Variants in EPHA6 observed in about 807,000 individuals in gnomAD.
The protein encoded by EPHA6 is EPH receptor A6.
In EPHA6, 50 loss-of-function variants were observed where a neutral mutation model predicts 112.0. That is an observed-to-expected ratio of 0.45 (90% CI 0.36 to 0.56). The LOEUF (loss-of-function observed/expected upper bound fraction) is 0.56, where lower values mean the gene tolerates loss of function less well. Ranked by LOEUF, EPHA6 falls within the 20% of genes least tolerant of loss-of-function variation. EPHA6 has a pLI of 0.00. For synonymous variants in EPHA6, 529 were observed against 490.7 expected, an observed-to-expected ratio of 1.08 and a Z score of -1.03; for missense variants, 1,280 against 1,417.4, an observed-to-expected ratio of 0.90 and a Z score of 1.56.
chr3:97,659,658 G>A lies in EPHA6; in HGVS notation c.2784+21576G>A, dbSNP rs372801112. Among the ~76,000 whole-genome samples the A allele has an allele frequency of 2.2e-4, 34 of 152,056 alleles. No individual in the cohort carries two copies. The South Asian group carries it at 2.7e-3, about 12-fold the overall frequency. ...AAAGGTTAAACCTGAAGAGAATATTGAAATATAACGTAACACAGTAATTTT... is the reference window on the plus strand; with the variant it reads ...AAAGGTTAAACCTGAAGAGAATATTAAAATATAACGTAACACAGTAATTTT... On this transcript the variant is annotated intron_variant, in intron 14 of 17. Coordinates refer to ENST00000389672, the MANE Select transcript of EPHA6 (RefSeq NM_001080448.3).
chr3:97,233,489 G>C (rs966735697), intron 4 of EPHA6, among the ~76,000 whole-genome samples: 1 of 152,022 alleles, frequency 6.6e-6, no homozygotes, highest in Admixed American at 6.6e-5. Context: ...GCCAGGAATC[G>C]AACAAGCAGT....
chr3:96,866,813 A>T lies in EPHA6; in HGVS notation c.386-12A>T. Reference sequence around the variant, plus strand: ...GAAATTCATGGAATTTTTATTTTCTATTTAATTCCAGTTGTGTTGCTTGAT... The same window carrying T: ...GAAATTCATGGAATTTTTATTTTCTTTTTAATTCCAGTTGTGTTGCTTGAT... On this transcript the variant is annotated splice_polypyrimidine_tract_variant and intron_variant, in intron 1 of 17. Transcript: ENST00000389672. The T allele has an allele frequency of 7.0e-7, 1 of 1,429,602 alleles. No individual in the cohort carries two copies. The highest frequency in any genetic ancestry group is 9.2e-7 in the Non-Finnish European group (1 of 1,082,942). 88.6% of individuals were successfully genotyped at this position (1,429,602 alleles called of 1,614,324 possible). A position where few individuals can be genotyped will look rare whatever the true frequency, so the allele number is the denominator to read the frequency against.
chr3:97,198,773 A>T (rs2077505391), intron 3 of EPHA6, among the ~76,000 whole-genome samples: 1 of 152,134 alleles, frequency 6.6e-6, no homozygotes, highest in South Asian at 2.1e-4. Flanking sequence ...TAAAGCAAAA[A>T]TTCAACATTG....
chr3:96,929,637 C>A (rs1166087608), intron 2 of EPHA6, among the ~76,000 whole-genome samples: 2 of 152,168 alleles, frequency 1.3e-5, no homozygotes, highest in Non-Finnish European at 2.9e-5. Flanking sequence ...CCTGGCCTTT[C>A]TTTCTGGCTG....
rs76114948 is a variant in EPHA6, at chr3:97,618,257, C to G, written c.2574+7403C>G. On this transcript the variant is annotated intron_variant, in intron 13 of 17. Transcript: ENST00000389672. The stretch of plus-strand genomic sequence containing the variant: ...GAATAAATATACAATGTGCCAGAAT[C>G]TCTGGGATACAGCCAAGGCAATGTT... Among the ~76,000 whole-genome samples the G allele has an allele frequency of 2.9e-3, 441 of 152,204 alleles. 2 individuals carry two copies. The highest frequency in any genetic ancestry group is 0.01 in the African/African-American group (427 of 41,540).
intron 5 of EPHA6, among the ~76,000 whole-genome samples, chr3:97,300,663 A>T (rs2081057587): frequency 6.6e-6 from 1 of 152,068 alleles, no homozygotes; most frequent in Admixed American, 6.6e-5. Context: ...CTAGAATCAG[A>T]TGTATTCTGT....
At chr3:97,576,045 T>G (rs1052318719) in intron 11 of EPHA6, among the ~76,000 whole-genome samples, 2 of 152,076 alleles carry the variant, frequency 1.3e-5, no homozygotes, top group Non-Finnish European at 2.9e-5. Context: ...TTCATGAAGA[T>G]AAGGAACACA....
At chr3:97,638,181 T>C (rs568938937) in intron 14 of EPHA6, 99 bp downstream of exon 14, 2 of 843,998 alleles carry the variant, frequency 2.4e-6, no homozygotes, top group South Asian at 3.9e-5. Context: ...TTTCTGCTTG[T>C]ATTTATTACT....
intron 2 of EPHA6, among the ~76,000 whole-genome samples, chr3:96,872,489 T>C (rs1438916690): frequency 1.3e-5 from 2 of 152,162 alleles, no homozygotes; most frequent in Non-Finnish European, 2.9e-5. Context: ...AGAATGTTTT[T>C]TAACATTTCT....
chr3:97,358,621 A>G (rs1000348239), intron 5 of EPHA6, among the ~76,000 whole-genome samples: 1 of 152,058 alleles, frequency 6.6e-6, no homozygotes, highest in South Asian at 2.1e-4. Context: ...TATCTTTTAT[A>G]CTTGCACATG....
At chr3:96,982,925 T>C (rs1231575688) in intron 2 of EPHA6, among the ~76,000 whole-genome samples, 1 of 152,156 alleles carries the variant, frequency 6.6e-6, no homozygotes, top group Non-Finnish European at 1.5e-5. Flanking sequence ...TCCTCCATCC[T>C]TTTATTTTGA....
chr3:97,272,474 C>G (rs144030124), intron 5 of EPHA6, among the ~76,000 whole-genome samples: 1 of 152,038 alleles, frequency 6.6e-6, no homozygotes, highest in Non-Finnish European at 1.5e-5. Flanking sequence ...CACTTGCGTC[C>G]GTGTGAAGAG....
In EPHA6 at chr3:97,298,417, C is replaced by T. The variant is rs559469137; in HGVS notation, c.1606+54130C>T. Among the ~76,000 whole-genome samples the T allele has an allele frequency of 1.8e-3, 271 of 152,248 alleles. 3 individuals carry two copies. Among genetic ancestry groups the T allele is most frequent in the South Asian group, 3.1e-3 (15 of 4,834 alleles). On this transcript the variant is annotated intron_variant, in intron 5 of 17. Transcript: ENST00000389672. ...CTAGGCCAAAGGAATCATAGCATTT[C>T]GTTTCACTCTTAGATGCCTGTTTCT...
At chr3:97,382,640 C>T (rs1256457649) in intron 5 of EPHA6, among the ~76,000 whole-genome samples, 1 of 151,996 alleles carries the variant, frequency 6.6e-6, no homozygotes, top group Non-Finnish European at 1.5e-5. Flanking sequence ...CTCATATAGT[C>T]TACCACCTGA....
intron 2 of EPHA6, among the ~76,000 whole-genome samples, chr3:96,923,055 G>A (rs190587491): frequency 1.3e-5 from 2 of 152,222 alleles, no homozygotes; most frequent in Middle Eastern, 3.4e-3. Context: ...GAGCATTTAG[G>A]TTGATTCCAT....
intron 2 of EPHA6, among the ~76,000 whole-genome samples, chr3:96,882,130 A>T (rs1487354156): frequency 6.6e-6 from 1 of 152,116 alleles, no homozygotes; most frequent in Non-Finnish European, 1.5e-5. Flanking sequence ...CAGCTCCATT[A>T]GGCAGTGCCC....
At chr3:97,209,477 T>C (rs1025307744) in intron 3 of EPHA6, among the ~76,000 whole-genome samples, 4 of 152,190 alleles carry the variant, frequency 2.6e-5, no homozygotes, top group African/African-American at 9.6e-5. Flanking sequence ...AGGACATTAA[T>C]ACTCACATCA....
intron 11 of EPHA6, among the ~76,000 whole-genome samples, chr3:97,560,023 G>T (rs1169147627): frequency 2.0e-5 from 3 of 151,578 alleles, no homozygotes. Flanking sequence ...AGAACAGGTT[G>T]CCATTAAAAA....
At chr3:97,708,943 G>A (rs1378086653) in intron 14 of EPHA6, among the ~76,000 whole-genome samples, 1 of 152,190 alleles carries the variant, frequency 6.6e-6, no homozygotes. Context: ...AGATTTCAGA[G>A]GACGTATGGA....
Sources: gnomAD v4.1 joint callset for allele counts (sites outside exome capture counted in the v4.1 genomes callset) on GRCh38, gnomAD v4.1.1 for gene constraint, MANE v1.5 for transcripts, NCBI Gene and HGNC (gene_info 2026-07-23, HGNC 2026-07-21) for gene names.